Variants in SH2D3A observed in about 807,000 individuals in gnomAD.
SH2D3A encodes SH2 domain containing 3A.
Under a neutral mutation model 50.6 loss-of-function variants are expected in SH2D3A, and 46 were observed. The ratio of observed to expected loss-of-function variants is 0.91; its 90% CI spans 0.72 to 1.16. SH2D3A has a LOEUF of 1.16. Among genes scored for constraint, SH2D3A ranks in the 50% most tolerant of loss-of-function variants. SH2D3A has a pLI of 0.00. For synonymous variants in SH2D3A, 377 were observed against 348.4 expected, an observed-to-expected ratio of 1.08 and a Z score of -0.91; for missense variants, 783 against 786.2, an observed-to-expected ratio of 1.00 and a Z score of 0.05.
chr19:6,757,211 C>T lies in SH2D3A; in HGVS notation c.497-1896G>A, dbSNP rs549588020. 8 of 150,032 alleles carry T rather than the reference C, an allele frequency of 5.3e-5. No homozygotes were observed. The South Asian group carries it at 1.7e-3, about 32-fold the overall frequency. 9.3% of individuals were successfully genotyped at this position (150,032 alleles called of 1,614,324 possible). ...CTTTTGGGAGACTGTATTTACCATG[C>T]CTTTGAATAGGCTCAACCTGCACAT... On this transcript the variant is annotated intron_variant, in intron 4 of 9. Transcript: ENST00000245908.
chr19:6,758,483 AG>A (rs1969823960), intron 4 of SH2D3A: 1 of 150,426 alleles, frequency 6.6e-6, no homozygotes, highest in Non-Finnish European at 1.5e-5. Flanking sequence ...TTGTAGTTTT[AG>A]TAGAGACGGG....
intron 4 of SH2D3A, among the ~76,000 whole-genome samples, chr19:6,756,437 TTTTTTTC>T (rs1969683322): frequency 6.6e-6 from 1 of 151,262 alleles, no homozygotes; most frequent in Non-Finnish European, 1.5e-5. Context: ...TTTCTTTTCT[TTTTTTTC>T]TTTTTTATTT....
chr19:6,755,202 G>A lies in SH2D3A; in HGVS notation c.610C>T (p.Gln204Ter), dbSNP rs1050195958. The A allele has an allele frequency of 7.0e-6, 11 of 1,579,738 alleles. No individual in the cohort carries two copies. The highest frequency in any genetic ancestry group is 9.5e-6 in the Non-Finnish European group (11 of 1,161,004). Residue 204 changes from glutamine (Q) to a stop codon, truncating the protein, a stop_gained, in exon 5 of 10, where the codon CAG (glutamine) becomes TAG (stop). Coordinates refer to ENST00000245908, the MANE Select transcript of SH2D3A (RefSeq NM_005490.3). LOFTEE classifies it high-confidence loss of function. ...VADSLRASDG[Q>*]LQAKAPTKPP... Reference sequence around the variant, plus strand: ...TTCGTTGGTGCCTTGGCTTGAAGCTGCCCATCGGAGGCCCTGAGACTGTCG... The same window carrying A: ...TTCGTTGGTGCCTTGGCTTGAAGCTACCCATCGGAGGCCCTGAGACTGTCG...
intron 8 of SH2D3A, 55 bp from the exon 9 acceptor site, chr19:6,753,696 A>G (rs2145571340): frequency 6.9e-7 from 1 of 1,451,902 alleles, no homozygotes; most frequent in East Asian, 2.5e-5. Context: ...GGCATAGGGC[A>G]GAGGTGGAAC....
intron 9 of SH2D3A, chr19:6,753,146 G>A (rs1405678657): frequency 1.1e-5 from 11 of 985,236 alleles, no homozygotes; most frequent in African/African-American, 1.7e-5. Flanking sequence ...GGAGCAGGGC[G>A]TTCTTGGGGA....
At chr19:6,766,422 A>G (rs1970306726) in intron 1 of SH2D3A, among the ~76,000 whole-genome samples, 2 of 152,210 alleles carry the variant, frequency 1.3e-5, no homozygotes, top group African/African-American at 4.8e-5. Flanking sequence ...CACGGAAGAG[A>G]AGAAACGGGC....
chr19:6,760,617 A>G, intron 3 of SH2D3A, 21 bp downstream of exon 3: 1 of 1,514,252 alleles, frequency 6.6e-7, no homozygotes, highest in South Asian at 1.3e-5. Flanking sequence ...GTTCTCAAGG[A>G]GGCAGGGAGA....
In SH2D3A at chr19:6,760,838, T is replaced by TAAAA. The variant is rs751284302; in HGVS notation, c.218_219insTTTT (p.Pro74PhefsTer11). The TAAAA allele has an allele frequency of 1.2e-6, 2 of 1,614,226 alleles. No homozygotes were observed. The highest frequency in any genetic ancestry group is 2.2e-5 in the East Asian group (1 of 44,888). ...CCTCCAGTTGAAAGAGGGCTGTGGG[T>TAAAA]CGGCCTGGCCGGGGACGCAGGGCCA... On this transcript the variant is annotated frameshift_variant, in exon 3 of 10. Coordinates refer to ENST00000245908, the MANE Select transcript of SH2D3A (RefSeq NM_005490.3). LOFTEE classifies it high-confidence loss of function.
intron 3 of SH2D3A, 145 bp from the exon 4 acceptor site, chr19:6,759,815 G>C: frequency 2.9e-6 from 2 of 691,850 alleles, no homozygotes; most frequent in Non-Finnish European, 4.9e-6. Flanking sequence ...TCTTAGCAAC[G>C]TGTGGAGACA....
chr19:6,754,434 G>A lies in SH2D3A; in HGVS notation c.1098-9C>T, dbSNP rs577422356. On this transcript the variant is annotated splice_polypyrimidine_tract_variant and intron_variant, in intron 6 of 9. Transcript: ENST00000245908. ...GCGCCAGTGTCTGATGCCTGCAGAGGTGGAGGGCAAGGGTCTGGGGGAAGT... is the reference window on the plus strand; with the variant it reads ...GCGCCAGTGTCTGATGCCTGCAGAGATGGAGGGCAAGGGTCTGGGGGAAGT... 31 of 1,529,632 alleles carry A rather than the reference G, an allele frequency of 2.0e-5. No individual in the cohort carries two copies. In the Admixed American group the frequency reaches 4.4e-4, roughly 22 times the overall value. The allele number at this position is 1,529,632 out of a possible 1,614,324, so 94.8% of individuals were successfully genotyped here. A position where few individuals can be genotyped will look rare whatever the true frequency, so the allele number is the denominator to read the frequency against.
chr19:6,765,349 G>A (rs1380901364), intron 1 of SH2D3A, among the ~76,000 whole-genome samples: 2 of 152,104 alleles, frequency 1.3e-5, no homozygotes, highest in South Asian at 2.1e-4. Flanking sequence ...ATCCCAGTCA[G>A]GGGGAATTTA....
chr19:6,761,356 C>G (rs188673764), intron 2 of SH2D3A, among the ~76,000 whole-genome samples: 5 of 152,280 alleles, frequency 3.3e-5, no homozygotes, highest in Admixed American at 3.3e-4. Context: ...GATGACAGAG[C>G]TACAAGATGC....
At chr19:6,756,447 T>C (rs1406353277) in intron 4 of SH2D3A, among the ~76,000 whole-genome samples, 3 of 150,936 alleles carry the variant, frequency 2.0e-5, no homozygotes, top group Non-Finnish European at 4.4e-5. Flanking sequence ...TTTTTTTCTT[T>C]TTTATTTCTT....
chr19:6,756,771 T>C (rs1969703070), intron 4 of SH2D3A, among the ~76,000 whole-genome samples: 1 of 152,164 alleles, frequency 6.6e-6, no homozygotes, highest in Non-Finnish European at 1.5e-5. Flanking sequence ...ATCCTCACAA[T>C]CTGAGCCCCA....
Position 6,753,537 on chromosome 19 carries a change from GCCGCTCACAGCTCTCGTCCAGCGGCC to G in SH2D3A, c.1463_1488del (p.Gly488AlafsTer32). The G allele has an allele frequency of 6.4e-7, 1 of 1,566,850 alleles. No homozygotes were observed. On this transcript the variant is annotated frameshift_variant, in exon 9 of 10. Coordinates refer to ENST00000245908, the MANE Select transcript of SH2D3A (RefSeq NM_005490.3). LOFTEE classifies it high-confidence loss of function. The stretch of plus-strand genomic sequence containing the variant: ...CGCGCCCCGTGCAGGGTGCGCAACA[GCCGCTCACAGCTCTCGTCCAGCGGCC>G]CCGCGACTTCCTCGCCCTCCAGTAG...
At position 6,756,455 on chromosome 19, in the gene SH2D3A, C is replaced by A. The variant is rs1304164630; in HGVS notation, c.497-1140G>T. Reference sequence around the variant, plus strand: ...CTTTTCTTTTTTTTCTTTTTTATTTCTTCTTAAAAAAAAAGATACATGTGC... The same window carrying A: ...CTTTTCTTTTTTTTCTTTTTTATTTATTCTTAAAAAAAAAGATACATGTGC... On this transcript the variant is annotated intron_variant, in intron 4 of 9. Transcript: ENST00000245908. 2.0e-5 allele frequency among the ~76,000 whole-genome samples: 3 copies of A among 149,336 alleles called. No individual in the cohort carries two copies. In the East Asian group the frequency reaches 5.8e-4, roughly 29 times the overall value.
Position 6,760,933 on chromosome 19 carries a change from A to G in SH2D3A, c.124T>C (p.Ser42Pro), listed in dbSNP as rs111881825. ...GAGATCACGGGGTTGCCCCCACGGG[A>G]CCCAGAGGCGCGAACCAGGAAGTCG... The part of the protein sequence containing the change: ...NGDFLVRASG[S>P]RGGNPVISCR... The change falls in exon 3 of 10, where the codon TCC becomes CCC. Residue 42 changes from serine to proline, a missense_variant. Ser to Pro is a moderately conservative substitution (Grantham distance 74, BLOSUM62 -1). Coordinates refer to ENST00000245908, the MANE Select transcript of SH2D3A (RefSeq NM_005490.3). 39 of 1,613,824 alleles carry G rather than the reference A, an allele frequency of 2.4e-5. No homozygotes were observed. In the African/African-American group the frequency reaches 4.5e-4, roughly 19 times the overall value.
chr19:6,756,392 T>G (rs1408997078), intron 4 of SH2D3A, among the ~76,000 whole-genome samples: 1 of 151,680 alleles, frequency 6.6e-6, no homozygotes, highest in Non-Finnish European at 1.5e-5. Context: ...GGTATGACAC[T>G]CAGATAAGTG....
At chr19:6,764,872 AT>A (rs55670461) in intron 1 of SH2D3A, among the ~76,000 whole-genome samples, 3,377 of 103,062 alleles carry the variant, frequency 0.033, 24 homozygotes, top group Middle Eastern at 0.064. Context: ...TACCTGGCTA[AT>A]TTTTTTTTTT....
Sources: allele counts gnomAD v4.1 joint callset (sites outside exome capture counted in the v4.1 genomes callset), GRCh38; gene constraint gnomAD v4.1.1; transcripts MANE v1.5; gene names NCBI Gene and HGNC (gene_info 2026-07-23, HGNC 2026-07-21).